Variants in NNMT observed in about 807,000 individuals in gnomAD.
The protein encoded by NNMT is nicotinamide N-methyltransferase.
A neutral mutation model predicts 11.7 loss-of-function variants in NNMT; 10 were observed. The observed-to-expected ratio is 0.85, with a 90% CI of 0.53 to 1.45. NNMT has a LOEUF of 1.45. Ranked by LOEUF, NNMT falls within the 40% of genes most tolerant of loss-of-function variation. NNMT has a pLI of 0.00. For synonymous variants in NNMT, 143 were observed against 133.8 expected (o/e 1.07, Z -0.48); for missense variants, 381 against 319.4 (o/e 1.19, Z -1.47).
chr11:114,287,776 A>C (rs755067833), intron 2 of NNMT, among the ~76,000 whole-genome samples: 4 of 152,184 alleles, frequency 2.6e-5, no homozygotes, highest in Non-Finnish European at 4.4e-5. Flanking sequence ...TCACCAAAAA[A>C]CTATTGGGAT....
At chr11:114,280,434 G>A (rs1945251192) in intron 2 of NNMT, among the ~76,000 whole-genome samples, 1 of 152,138 alleles carries the variant, frequency 6.6e-6, no homozygotes, top group African/African-American at 2.4e-5. Flanking sequence ...CAAAGGTGGA[G>A]CAGAGAACAC....
intron 2 of NNMT, among the ~76,000 whole-genome samples, chr11:114,308,963 TC>T (rs1281679512): frequency 6.6e-6 from 1 of 152,184 alleles, no homozygotes; most frequent in Non-Finnish European, 1.5e-5. Flanking sequence ...TGCATCATCA[TC>T]TGACTGGTAA....
At chr11:114,310,991 T>C (rs1398653213) in intron 2 of NNMT, among the ~76,000 whole-genome samples, 2 of 152,232 alleles carry the variant, frequency 1.3e-5, no homozygotes. Flanking sequence ...GCCCTTGCCT[T>C]CTCTTCTTTC....
In NNMT at chr11:114,297,956, G is replaced by A; in HGVS notation, c.160G>A (p.Val54Met). ...TGTTCCTCCCACTAATCCAGACGGT[G>A]TGAAGGGAGACCTGCTGATTGACAT... Reference protein sequence around the residue: ...NLFKIFCLDGVKGDLLIDIGS... With the variant: ...NLFKIFCLDGMKGDLLIDIGS... Residue 54 changes from valine to methionine, a missense_variant, in exon 2 of 3, where the codon GTG becomes ATG. Physicochemically the swap from Val to Met is conservative, Grantham distance 21 (BLOSUM62 1). Transcript: ENST00000299964. The A allele has an allele frequency of 6.2e-7, 1 of 1,612,618 alleles. No individual in the cohort carries two copies. Among genetic ancestry groups the A allele is most frequent in the Non-Finnish European group, 8.5e-7 (1 of 1,179,976 alleles).
chr11:114,310,748 A>G (rs1236739610), intron 2 of NNMT, among the ~76,000 whole-genome samples: 1 of 152,234 alleles, frequency 6.6e-6, no homozygotes, highest in Non-Finnish European at 1.5e-5. Context: ...TGCAATACCC[A>G]GGGGTCACTC....
chr11:114,271,848 A>T (rs1945172558), intron 2 of NNMT, among the ~76,000 whole-genome samples: 1 of 152,102 alleles, frequency 6.6e-6, no homozygotes, highest in African/African-American at 2.4e-5. Context: ...TAGGTATGCT[A>T]CTTAAAAACC....
chr11:114,272,969 G>C (rs1783729088), intron 2 of NNMT, among the ~76,000 whole-genome samples: 1 of 152,190 alleles, frequency 6.6e-6, no homozygotes, highest in African/African-American at 2.4e-5. Context: ...ATGAAGAGTA[G>C]CAGCAGAACC....
At chr11:114,285,718 T>G (rs1945293411) in intron 2 of NNMT, among the ~76,000 whole-genome samples, 1 of 152,186 alleles carries the variant, frequency 6.6e-6, no homozygotes, top group Non-Finnish European at 1.5e-5. Flanking sequence ...CAAGGTATGG[T>G]TTGAGCAGAG....
chr11:114,292,812 G>A (rs1945344267), upstream of NNMT, among the ~76,000 whole-genome samples: 1 of 151,946 alleles, frequency 6.6e-6, no homozygotes, highest in African/African-American at 2.4e-5. Flanking sequence ...GGAGTGAGGG[G>A]AAATGGGTAC....
chr11:114,296,809 C>T (rs1245912827), intron 1 of NNMT, 99 bp downstream of exon 1: 2 of 1,172,756 alleles, frequency 1.7e-6, no homozygotes, highest in African/African-American at 3.1e-5. Context: ...TGCTTCACAG[C>T]CCTTTTGGCA....
chr11:114,288,566 C>G (rs1398186399), intron 2 of NNMT, among the ~76,000 whole-genome samples: 2 of 151,962 alleles, frequency 1.3e-5, no homozygotes, highest in African/African-American at 4.8e-5. Flanking sequence ...GAAACACTCA[C>G]CTTGGCCATT....
At chr11:114,278,133 A>C (rs1222990251) in intron 2 of NNMT, among the ~76,000 whole-genome samples, 1 of 152,228 alleles carries the variant, frequency 6.6e-6, no homozygotes, top group East Asian at 1.9e-4. Context: ...CTGTACAAGC[A>C]TGGCGTTAAC....
At chr11:114,258,947 TCTC>T (rs1340936646) in intron 1 of NNMT, among the ~76,000 whole-genome samples, 3 of 152,114 alleles carry the variant, frequency 2.0e-5, no homozygotes, top group African/African-American at 7.2e-5. Context: ...TCTCTCAACT[TCTC>T]CTTTTTCACT....
upstream of NNMT, among the ~76,000 whole-genome samples, chr11:114,293,718 C>T (rs185624220): frequency 1.5e-4 from 23 of 152,060 alleles, no homozygotes; most frequent in East Asian, 3.3e-3. Flanking sequence ...CTATGGAGAA[C>T]GGTTTGGATG....
intron 2 of NNMT, among the ~76,000 whole-genome samples, chr11:114,301,187 C>T (rs1026307866): frequency 5.9e-5 from 9 of 152,120 alleles, no homozygotes; most frequent in African/African-American, 4.8e-5. Context: ...GAAGACAATT[C>T]GACTATTCCT....
chr11:114,282,951 A>C (rs1043534407), intron 2 of NNMT, among the ~76,000 whole-genome samples: 3 of 152,242 alleles, frequency 2.0e-5, no homozygotes, highest in African/African-American at 7.2e-5. Flanking sequence ...CATCAGAGAA[A>C]GTGTACAACT....
At chr11:114,298,971 TG>T (rs1269048817) in intron 2 of NNMT, among the ~76,000 whole-genome samples, 1 of 152,240 alleles carries the variant, frequency 6.6e-6, no homozygotes, top group African/African-American at 2.4e-5. Flanking sequence ...CATTCACTCC[TG>T]GAGCAACATT....
intron 2 of NNMT, among the ~76,000 whole-genome samples, chr11:114,263,306 ATTTTCTC>A (rs1341920914): frequency 3.3e-5 from 5 of 152,182 alleles, no homozygotes; most frequent in African/African-American, 7.2e-5. Context: ...AGTTATGATT[ATTTTCTC>A]TTTTCTCTTT....
At chr11:114,306,536 G>A (rs1438528946) in intron 2 of NNMT, among the ~76,000 whole-genome samples, 2 of 152,136 alleles carry the variant, frequency 1.3e-5, no homozygotes, top group Non-Finnish European at 2.9e-5. Flanking sequence ...TAAGGTGTAA[G>A]GAAGGGATCC....
Sources: allele counts gnomAD v4.1 joint callset (sites outside exome capture counted in the v4.1 genomes callset), GRCh38; gene constraint gnomAD v4.1.1; transcripts MANE v1.5; gene names NCBI Gene and HGNC (gene_info 2026-07-23, HGNC 2026-07-21).